WDSUB1: variants seen among roughly 807,000 people sequenced by gnomAD.
WDSUB1 encodes WD repeat, sterile alpha motif and U-box domain containing 1.
A neutral mutation model predicts 53.9 loss-of-function variants in WDSUB1; 49 were observed. The observed-to-expected ratio is 0.91, with a 90% CI of 0.72 to 1.15. The LOEUF (loss-of-function observed/expected upper bound fraction) is 1.15, where lower values mean the gene tolerates loss of function less well. WDSUB1 is among the 50% of genes most tolerant of loss of function. WDSUB1 has a pLI of 0.00. For missense variants in WDSUB1, 514 were observed against 562.0 expected, an observed-to-expected ratio of 0.91 and a Z score of 0.86; for synonymous variants, 194 against 200.6, an observed-to-expected ratio of 0.97 and a Z score of 0.28.
intron 1 of WDSUB1, among the ~76,000 whole-genome samples, chr2:159,283,786 G>A (rs13022106): frequency 0.42 from 63,911 of 151,964 alleles, 14,723 homozygotes; most frequent in Non-Finnish European, 0.54. Context: ...ACCAGTCCTC[G>A]GCCCTGGGGG....
intron 10 of WDSUB1, among the ~76,000 whole-genome samples, chr2:159,238,216 T>C (rs2060539795): frequency 6.6e-6 from 1 of 152,266 alleles, no homozygotes; most frequent in Non-Finnish European, 1.5e-5. Flanking sequence ...ATATATGGAA[T>C]ATCAACACTT....
At chr2:159,278,226 A>C (rs543912806) in intron 3 of WDSUB1, among the ~76,000 whole-genome samples, 1 of 152,342 alleles carries the variant, frequency 6.6e-6, no homozygotes, top group Non-Finnish European at 1.5e-5. Flanking sequence ...AGCTGTTCTT[A>C]CAGTAAAATA....
At chr2:159,278,542 G>C (rs1490791717) in intron 3 of WDSUB1, among the ~76,000 whole-genome samples, 3 of 152,096 alleles carry the variant, frequency 2.0e-5, no homozygotes, top group Non-Finnish European at 4.4e-5. Context: ...GCAAAAAAAA[G>C]ACTATATCAA....
chr2:159,272,350 T>C (rs1184132955), intron 4 of WDSUB1, among the ~76,000 whole-genome samples: 2 of 152,200 alleles, frequency 1.3e-5, no homozygotes, highest in South Asian at 2.1e-4. Context: ...TTTTAAGGAA[T>C]GTAGTGACTC....
chr2:159,248,497 C>A lies in WDSUB1; in HGVS notation c.1148G>T (p.Arg383Leu). ...DDLKIESLGL[R>L]SKVLRKIEEL... is the part of the protein sequence containing the mutation. ...TTCAATTTTCCTCAGCACTTTACTACGCAGTCCTAGAGATTCTGAAAAGAA... is the reference window on the plus strand; with the variant it reads ...TTCAATTTTCCTCAGCACTTTACTAAGCAGTCCTAGAGATTCTGAAAAGAA... Residue 383 changes from arginine to leucine, a missense_variant, in exon 10 of 11, where the codon CGT (arginine) becomes CTT (leucine). By Grantham distance (102) the Arg-to-Leu change is moderately radical. Coordinates refer to ENST00000359774, the MANE Select transcript of WDSUB1 (RefSeq NM_001128212.3). 1 of 1,557,840 alleles carries A rather than the reference C, an allele frequency of 6.4e-7. No individual in the cohort carries two copies.
At chr2:159,251,834 A>T (rs571192901) in intron 9 of WDSUB1, among the ~76,000 whole-genome samples, 7 of 152,336 alleles carry the variant, frequency 4.6e-5, no homozygotes, top group African/African-American at 1.4e-4. Context: ...CCTCTGACGA[A>T]ACAGAAGGTA....
At chr2:159,245,306 C>T (rs957421846) in intron 10 of WDSUB1, among the ~76,000 whole-genome samples, 1 of 151,970 alleles carries the variant, frequency 6.6e-6, no homozygotes, top group African/African-American at 2.4e-5. Context: ...GGAGGACAGA[C>T]CCCCTGAGGC....
At chr2:159,276,451 C>T (rs1172353953) in intron 3 of WDSUB1, among the ~76,000 whole-genome samples, 2 of 152,246 alleles carry the variant, frequency 1.3e-5, no homozygotes, top group East Asian at 3.9e-4. Flanking sequence ...AAGCCAAAGG[C>T]TGGAATTATA....
At chr2:159,277,529 C>T (rs879769538) in intron 3 of WDSUB1, among the ~76,000 whole-genome samples, 2 of 152,112 alleles carry the variant, frequency 1.3e-5, no homozygotes, top group Admixed American at 6.6e-5. Context: ...TAGAAACATA[C>T]TTTTCTTCAG....
intron 9 of WDSUB1, among the ~76,000 whole-genome samples, chr2:159,253,476 A>G (rs1324026171): frequency 6.6e-6 from 1 of 152,238 alleles, no homozygotes; most frequent in Non-Finnish European, 1.5e-5. Flanking sequence ...CAAAAGACTC[A>G]TTGAAAAAAG....
chr2:159,241,352 A>C (rs1449279459), intron 10 of WDSUB1, among the ~76,000 whole-genome samples: 1 of 152,224 alleles, frequency 6.6e-6, no homozygotes, highest in Admixed American at 6.5e-5. Flanking sequence ...ACTTGAGGTC[A>C]GGAGTTCAAG....
At chr2:159,257,697 A>G in intron 8 of WDSUB1, 61 bp downstream of exon 8, 1 of 1,479,828 alleles carries the variant, frequency 6.8e-7, no homozygotes, top group South Asian at 1.1e-5. Context: ...CCGATTTACT[A>G]ACTTTCTGAC....
chr2:159,273,806 T>C (rs1399974164), intron 4 of WDSUB1, among the ~76,000 whole-genome samples: 1 of 152,260 alleles, frequency 6.6e-6, no homozygotes, highest in Non-Finnish European at 1.5e-5. Flanking sequence ...CCAGTAAACA[T>C]GAAAGGCTTT....
chr2:159,240,135 T>C (rs2151037691), intron 10 of WDSUB1, among the ~76,000 whole-genome samples: 1 of 152,354 alleles, frequency 6.6e-6, no homozygotes, highest in East Asian at 1.9e-4. Context: ...TTTCATATAA[T>C]GGGAATCATA....
intron 10 of WDSUB1, among the ~76,000 whole-genome samples, chr2:159,240,810 C>A (rs1056408093): frequency 6.6e-6 from 1 of 152,060 alleles, no homozygotes; most frequent in Admixed American, 6.5e-5. Flanking sequence ...TCCCTGTACA[C>A]GGGACTTCCA....
At position 159,279,965 on chromosome 2, in the gene WDSUB1, T is replaced by A. The variant is rs1234790025; in HGVS notation, c.399-20A>T. ...CCACATCTGAAATAAAAGCAAAAAG[T>A]GGGTTTTCATTTCAGAGTATCCTTT... On this transcript the variant is annotated intron_variant, in intron 2 of 10. Transcript: ENST00000359774. The A allele has an allele frequency of 3.1e-6, 5 of 1,591,186 alleles. 1 individual carries two copies. The African/African-American group carries it at 4.1e-5, about 13-fold the overall frequency.
chr2:159,242,506 C>CA (rs2060682194), intron 10 of WDSUB1, among the ~76,000 whole-genome samples: 1 of 146,788 alleles, frequency 6.8e-6, no homozygotes, highest in Non-Finnish European at 1.5e-5. Flanking sequence ...ACTAAAAATA[C>CA]AAAAAATTAG....
At chr2:159,273,301 T>C (rs2061478122) in intron 4 of WDSUB1, among the ~76,000 whole-genome samples, 1 of 151,998 alleles carries the variant, frequency 6.6e-6, no homozygotes. Flanking sequence ...CTATAAAACT[T>C]CAATACAACA....
At chr2:159,255,339 C>A (rs903976575) in intron 9 of WDSUB1, among the ~76,000 whole-genome samples, 2 of 151,718 alleles carry the variant, frequency 1.3e-5, no homozygotes, top group Non-Finnish European at 2.9e-5. Context: ...TGGTGGCAGG[C>A]GCCTGTAGTC....
Sources: gnomAD v4.1 joint callset for allele counts (sites outside exome capture counted in the v4.1 genomes callset) on GRCh38, gnomAD v4.1.1 for gene constraint, MANE v1.5 for transcripts, NCBI Gene and HGNC (gene_info 2026-07-23, HGNC 2026-07-21) for gene names.